The following DGKB variants were observed in gnomAD, a reference collection of about 807,000 sequenced individuals.
DGKB encodes 90 kDa diacylglycerol kinase.
In DGKB, 67 loss-of-function variants were observed where a neutral mutation model predicts 114.3. The observed-to-expected ratio is 0.59, with a 90% CI of 0.48 to 0.72. DGKB has a LOEUF of 0.72. Among genes scored for constraint, DGKB ranks in the 30% least tolerant of loss-of-function variants. The pLI is 0.00. For missense variants in DGKB, 907 were observed against 975.2 expected (o/e 0.93, Z 0.93); for synonymous variants, 398 against 323.1 (o/e 1.23, Z -2.49).
chr7:14,846,067 G>A (rs10256424), intron 1 of DGKB, among the ~76,000 whole-genome samples: 15,393 of 152,134 alleles, frequency 0.1, 1,426 homozygotes, highest in East Asian at 0.3. Context: ...AACTTTCTTT[G>A]ATTTAGCATG....
At chr7:14,414,949 C>T (rs891016643) in intron 21 of DGKB, among the ~76,000 whole-genome samples, 2 of 151,948 alleles carry the variant, frequency 1.3e-5, no homozygotes, top group Admixed American at 6.6e-5. Context: ...GAAGAAAGCA[C>T]CTAGTCATTT....
At chr7:14,641,198 C>T (rs1811713868) in intron 13 of DGKB, among the ~76,000 whole-genome samples, 1 of 151,946 alleles carries the variant, frequency 6.6e-6, no homozygotes, top group South Asian at 2.1e-4. Context: ...AATTAAATCT[C>T]ATTGTTTTAA....
At chr7:14,184,945 T>C (rs1445984131) in intron 23 of DGKB, among the ~76,000 whole-genome samples, 1 of 152,100 alleles carries the variant, frequency 6.6e-6, no homozygotes, top group Non-Finnish European at 1.5e-5. Flanking sequence ...GTTGAAAGCA[T>C]TCCCTCTGAG....
At chr7:14,462,395 A>C (rs1833216510) in intron 21 of DGKB, among the ~76,000 whole-genome samples, 2 of 152,228 alleles carry the variant, frequency 1.3e-5, no homozygotes, top group Non-Finnish European at 2.9e-5. Flanking sequence ...GCTGATAAGC[A>C]ACTTCAGCAG....
intron 1 of DGKB, among the ~76,000 whole-genome samples, chr7:14,859,571 G>T (rs1226427295): frequency 6.6e-6 from 1 of 152,048 alleles, no homozygotes; most frequent in African/African-American, 2.4e-5. Context: ...TGGCATAAAA[G>T]AAAAAGCTGA....
chr7:14,815,893 A>G (rs565440559), intron 2 of DGKB, among the ~76,000 whole-genome samples: 1 of 152,348 alleles, frequency 6.6e-6, no homozygotes, highest in East Asian at 1.9e-4. Flanking sequence ...CAGGGGATGG[A>G]TAAAATATAA....
At chr7:14,769,208 GAAAGAA>G (rs1836989904) in intron 2 of DGKB, among the ~76,000 whole-genome samples, 1 of 129,746 alleles carries the variant, frequency 7.7e-6, no homozygotes, top group Non-Finnish European at 1.7e-5. Context: ...AGGAAGAAAG[GAAAGAA>G]AGAGAAAGAG....
intron 18 of DGKB, among the ~76,000 whole-genome samples, chr7:14,581,161 A>G (rs1160839073): frequency 6.6e-6 from 1 of 152,164 alleles, no homozygotes; most frequent in Non-Finnish European, 1.5e-5. Context: ...ACTATTATTC[A>G]CGGAATGATG....
chr7:14,469,415 T>A (rs1780945601), intron 21 of DGKB, among the ~76,000 whole-genome samples: 1 of 151,878 alleles, frequency 6.6e-6, no homozygotes, highest in African/African-American at 2.4e-5. Context: ...AAATAAAAAA[T>A]GAACAGGAGA....
At chr7:14,701,898 T>C (rs1825256181) in intron 6 of DGKB, among the ~76,000 whole-genome samples, 168 bp from the exon 7 acceptor site, 1 of 122,056 alleles carries the variant, frequency 8.2e-6, no homozygotes, top group South Asian at 3.5e-4. Flanking sequence ...TGAAAATGAA[T>C]TAATTAGTTA....
At chr7:14,909,265 TTTATA>T (rs1167539847) in intron 1 of DGKB, among the ~76,000 whole-genome samples, 4 of 152,182 alleles carry the variant, frequency 2.6e-5, no homozygotes, top group Non-Finnish European at 5.9e-5. Flanking sequence ...ATGTCTTATC[TTTATA>T]TTATAACCAT....
intron 17 of DGKB, among the ~76,000 whole-genome samples, chr7:14,592,364 T>C (rs1041336462): frequency 3.9e-5 from 6 of 151,944 alleles, no homozygotes; most frequent in Admixed American, 6.6e-5. Context: ...GTCTGCATTT[T>C]GATTTAAGCA....
rs147553326 is a variant in DGKB at position 14,322,998 on chromosome 7, A to G, written c.2122+15517T>C. On this transcript the variant is annotated intron_variant, in intron 23 of 25. Transcript: ENST00000402815. ...AGTACAATCACTTTTAGTAGCGTCT[A>G]CTATAGCTGAACATGCACATACCTT... Among the ~76,000 whole-genome samples the G allele has an allele frequency of 5.6e-3, 857 of 152,300 alleles. 10 individuals carry two copies. The highest frequency in any genetic ancestry group is 0.019 in the African/African-American group (799 of 41,562).
chr7:14,747,712 G>T (rs1022135799), intron 4 of DGKB, among the ~76,000 whole-genome samples: 11 of 151,072 alleles, frequency 7.3e-5, no homozygotes, highest in African/African-American at 2.4e-4. Flanking sequence ...ATACAAATTG[G>T]GTCAGACTTA....
At chr7:14,583,507 T>C (rs181220618) in intron 17 of DGKB, among the ~76,000 whole-genome samples, 1 of 152,322 alleles carries the variant, frequency 6.6e-6, no homozygotes, top group Admixed American at 6.5e-5. Context: ...ATTTAATAAA[T>C]TTCATCAATC....
At chr7:14,840,668 A>G (rs1475832666) in intron 2 of DGKB, among the ~76,000 whole-genome samples, 1 of 150,728 alleles carries the variant, frequency 6.6e-6, no homozygotes, top group Admixed American at 6.6e-5. Context: ...TCCATAATGT[A>G]TCTATGACTC....
chr7:14,368,717 A>G (rs1817124440), intron 21 of DGKB, among the ~76,000 whole-genome samples: 2 of 152,124 alleles, frequency 1.3e-5, no homozygotes, highest in South Asian at 2.1e-4. Flanking sequence ...AGCTAAGTGC[A>G]AAGAATCAAG....
intron 12 of DGKB, among the ~76,000 whole-genome samples, chr7:14,682,221 A>C (rs1353668367): frequency 6.6e-6 from 1 of 152,042 alleles, no homozygotes; most frequent in Non-Finnish European, 1.5e-5. Context: ...GCTGAGTTCT[A>C]CCCAAACAGT....
intron 9 of DGKB, among the ~76,000 whole-genome samples, chr7:14,689,196 C>CTTTTTTTTTTTTTTTTTTTTTTTTT (rs1554599070): frequency 1.2e-5 from 1 of 80,304 alleles, no homozygotes; most frequent in African/African-American, 4.9e-5. Flanking sequence ...AGAAACTCCT[C>CTTTTTTTTTTTTTTTTTTTTTTTTT]TTATTTTTTT....
Sources: gnomAD v4.1 joint callset for allele counts (sites outside exome capture counted in the v4.1 genomes callset) on GRCh38, gnomAD v4.1.1 for gene constraint, MANE v1.5 for transcripts, NCBI Gene and HGNC (gene_info 2026-07-23, HGNC 2026-07-21) for gene names.